CNTN4: variants seen among roughly 807,000 people sequenced by gnomAD.
CNTN4 encodes the protein contactin 4, also known as contactin-4.
CNTN4 carries 77 observed loss-of-function variants against 122.5 expected under a neutral mutation model. The observed-to-expected ratio is 0.63, with a 90% CI of 0.52 to 0.76. The LOEUF is 0.76. Ranked by LOEUF, CNTN4 falls within the 30% of genes least tolerant of loss-of-function variation. The pLI, the probability that CNTN4 is intolerant of heterozygous loss-of-function variation, is 0.00. For synonymous variants in CNTN4, 512 were observed against 447.0 expected (o/e 1.15, Z -1.83); for missense variants, 1,256 against 1,259.1 (o/e 1.00, Z 0.04).
intron 4 of CNTN4, among the ~76,000 whole-genome samples, chr3:2,660,095 TCTGA>T (rs1291010450): frequency 6.6e-6 from 1 of 152,202 alleles, no homozygotes; most frequent in African/African-American, 2.4e-5. Flanking sequence ...CCCAAGCTAC[TCTGA>T]CTGTGAATAA....
At chr3:2,700,653 C>CA (rs5846211) in intron 4 of CNTN4, among the ~76,000 whole-genome samples, 140,148 of 148,290 alleles carry the variant, frequency 0.95, 66,448 homozygotes, top group Non-Finnish European at 0.98. Context: ...ATTCCCCTGG[C>CA]AAAAAAAAAA....
chr3:3,003,717 A>T lies in CNTN4; in HGVS notation c.1486+15245A>T, dbSNP rs549771893. 2.8e-3 allele frequency among the ~76,000 whole-genome samples: 415 copies of T among 150,460 alleles called. 4 individuals carry two copies. The highest frequency in any genetic ancestry group is 8.8e-3 in the African/African-American group (359 of 40,862). On this transcript the variant is annotated intron_variant, in intron 14 of 24. Coordinates refer to ENST00000418658, the MANE Select transcript of CNTN4 (RefSeq NM_175607.3). ...AAAAAAAAAAAAAAAAAAAAAAACA[A>T]AAAAACCCCACTGAATTGTATACTT...
At chr3:2,120,232 A>T (rs2033631861) in intron 2 of CNTN4, among the ~76,000 whole-genome samples, 1 of 151,166 alleles carries the variant, frequency 6.6e-6, no homozygotes, top group Non-Finnish European at 1.5e-5. Context: ...AAATGAGGAT[A>T]GTTTAGCTGG....
At chr3:2,560,608 A>T (rs1183434934) in intron 3 of CNTN4, among the ~76,000 whole-genome samples, 1 of 152,208 alleles carries the variant, frequency 6.6e-6, no homozygotes, top group Non-Finnish European at 1.5e-5. Context: ...ATGGACACAA[A>T]ACTGGAGGAT....
chr3:2,971,334 A>ATCTG (rs576840909), intron 13 of CNTN4, among the ~76,000 whole-genome samples: 3 of 139,346 alleles, frequency 2.2e-5, no homozygotes, highest in Non-Finnish European at 4.5e-5. Context: ...CTATATCTAT[A>ATCTG]TCTGTCTGTC....
chr3:2,704,630 A>C (rs990541576), intron 4 of CNTN4, among the ~76,000 whole-genome samples: 2 of 152,190 alleles, frequency 1.3e-5, no homozygotes, highest in African/African-American at 4.8e-5. Flanking sequence ...AATCACCTGC[A>C]GGACTTGTTC....
chr3:2,861,247 T>C (rs973893940), intron 7 of CNTN4, among the ~76,000 whole-genome samples: 1 of 152,174 alleles, frequency 6.6e-6, no homozygotes, highest in South Asian at 2.1e-4. Context: ...TCCAGAGATC[T>C]TTCCATGGAC....
At chr3:2,304,195 A>G (rs1386685745) in intron 2 of CNTN4, among the ~76,000 whole-genome samples, 2 of 152,164 alleles carry the variant, frequency 1.3e-5, no homozygotes, top group Non-Finnish European at 2.9e-5. Flanking sequence ...CTTTTACAAT[A>G]TATTTTCTTT....
chr3:2,289,373 T>C (rs1047439384), intron 2 of CNTN4, among the ~76,000 whole-genome samples: 2 of 152,272 alleles, frequency 1.3e-5, no homozygotes, highest in African/African-American at 2.4e-5. Context: ...TTCAAAACTT[T>C]TGTATGTTTA....
intron 2 of CNTN4, among the ~76,000 whole-genome samples, chr3:2,226,033 T>C (rs2039269312): frequency 6.6e-6 from 1 of 152,172 alleles, no homozygotes; most frequent in Admixed American, 6.5e-5. Flanking sequence ...TACCAGGGAT[T>C]ATTTGCCAGG....
chr3:2,189,918 A>T (rs554273892), intron 2 of CNTN4, among the ~76,000 whole-genome samples: 2 of 152,178 alleles, frequency 1.3e-5, no homozygotes, highest in African/African-American at 4.8e-5. Context: ...ATGACTTTAG[A>T]GACTCATCAT....
chr3:3,044,961 AGATTATATCCCATGCAT>A (rs1488940129), intron 23 of CNTN4, among the ~76,000 whole-genome samples: 1 of 152,200 alleles, frequency 6.6e-6, no homozygotes, highest in Non-Finnish European at 1.5e-5. Flanking sequence ...GCACACCAGG[AGATTATATCCCATGCAT>A]GGCTCAGAGG....
intron 4 of CNTN4, among the ~76,000 whole-genome samples, chr3:2,638,523 G>C (rs1273195729): frequency 6.6e-6 from 1 of 151,794 alleles, no homozygotes; most frequent in Non-Finnish European, 1.5e-5. Context: ...CACACATTCA[G>C]ACATGTCATT....
At chr3:2,956,397 G>T (rs1157561972) in intron 13 of CNTN4, among the ~76,000 whole-genome samples, 1 of 151,930 alleles carries the variant, frequency 6.6e-6, no homozygotes, top group Non-Finnish European at 1.5e-5. Context: ...TGTACTTAAT[G>T]CCACTGAATT....
At chr3:2,544,373 G>T (rs1015419444) in intron 3 of CNTN4, among the ~76,000 whole-genome samples, 2 of 151,940 alleles carry the variant, frequency 1.3e-5, no homozygotes, top group Non-Finnish European at 2.9e-5. Flanking sequence ...AAACAAGCTT[G>T]GTCTCACCAA....
intron 3 of CNTN4, among the ~76,000 whole-genome samples, chr3:2,552,901 G>A (rs771537806): frequency 5.9e-5 from 9 of 152,162 alleles, no homozygotes; most frequent in East Asian, 1.9e-4. Flanking sequence ...ACGGCATGGC[G>A]AAGTGTGTTG....
At chr3:2,301,901 G>A (rs1191927282) in intron 2 of CNTN4, among the ~76,000 whole-genome samples, 2 of 152,218 alleles carry the variant, frequency 1.3e-5, no homozygotes, top group Non-Finnish European at 2.9e-5. Context: ...TTACGTGAGA[G>A]AAATCAGCAA....
intron 13 of CNTN4, among the ~76,000 whole-genome samples, chr3:2,960,652 GT>G (rs2094843398): frequency 6.6e-6 from 1 of 152,152 alleles, no homozygotes; most frequent in Admixed American, 6.5e-5. Context: ...ATGAAAAACG[GT>G]GTTGAAGAGA....
At chr3:2,991,960 G>A (rs1577534896) in intron 14 of CNTN4, among the ~76,000 whole-genome samples, 1 of 152,272 alleles carries the variant, frequency 6.6e-6, no homozygotes, top group Non-Finnish European at 1.5e-5. Flanking sequence ...AAGGTCGGGC[G>A]TCAGAACATA....
Sources: allele counts gnomAD v4.1 joint callset (sites outside exome capture counted in the v4.1 genomes callset), GRCh38; gene constraint gnomAD v4.1.1; transcripts MANE v1.5; gene names NCBI Gene and HGNC (gene_info 2026-07-23, HGNC 2026-07-21).